The following NNT variants were observed in gnomAD, a reference collection of about 807,000 sequenced individuals.
The protein encoded by NNT is nicotinamide nucleotide transhydrogenase.
Under a neutral mutation model 104.8 loss-of-function variants are expected in NNT, and 50 were observed. The observed-to-expected ratio is 0.48, with a 90% CI of 0.38 to 0.60. NNT has a LOEUF of 0.60. Ranked by LOEUF, NNT falls within the 20% of genes least tolerant of loss-of-function variation. The pLI, the probability that NNT is intolerant of heterozygous loss-of-function variation, is 0.00. For missense variants in NNT, 1,131 were observed against 1,330.7 expected (o/e 0.85, Z 2.33); for synonymous variants, 461 against 490.4 (o/e 0.94, Z 0.79).
At chr5:43,671,480 C>T (rs140008642) in intron 17 of NNT, among the ~76,000 whole-genome samples, 5,187 of 152,154 alleles carry the variant, frequency 0.034, 138 homozygotes, top group East Asian at 0.12. Context: ...GCAGGCCTGG[C>T]GGTGACAAAA....
chr5:43,621,436 G>A (rs919077417), intron 5 of NNT, among the ~76,000 whole-genome samples: 4 of 152,140 alleles, frequency 2.6e-5, no homozygotes, highest in African/African-American at 9.7e-5. Context: ...TCTAGGAGCT[G>A]GGGATATGGC....
rs146990594 is a variant in NNT, at chr5:43,683,823, A to G, written c.2876+6017A>G. On this transcript the variant is annotated intron_variant, in intron 19 of 21. Transcript: ENST00000344920. ...AATTGAATTTTTTTTTTCTGGTATC[A>G]TTCTTCATAATCTTGTTGCCTATTT... is the stretch of plus-strand genomic sequence containing the variant. Among the ~76,000 whole-genome samples, 13 of 152,154 alleles carry G rather than the reference A, an allele frequency of 8.5e-5. No homozygotes were observed. In the East Asian group the frequency reaches 2.5e-3, roughly 29 times the overall value.
chr5:43,633,613 T>A (rs576976269), intron 7 of NNT, among the ~76,000 whole-genome samples: 8 of 152,326 alleles, frequency 5.3e-5, no homozygotes, highest in African/African-American at 1.9e-4. Flanking sequence ...TCCTCAGTTA[T>A]CTTGTCTCCC....
intron 18 of NNT, among the ~76,000 whole-genome samples, chr5:43,676,388 G>A (rs954924608): frequency 4.6e-5 from 7 of 152,202 alleles, no homozygotes; most frequent in Admixed American, 3.3e-4. Flanking sequence ...TGACATGTGA[G>A]TAGTTTACTA....
chr5:43,688,026 T>C (rs1353567737), intron 19 of NNT, among the ~76,000 whole-genome samples: 1 of 152,176 alleles, frequency 6.6e-6, no homozygotes, highest in Non-Finnish European at 1.5e-5. Context: ...TATTGGGTTA[T>C]TTAGCTAAAA....
chr5:43,635,279 A>C (rs570123022), intron 7 of NNT, among the ~76,000 whole-genome samples: 12 of 152,258 alleles, frequency 7.9e-5, no homozygotes, highest in African/African-American at 2.9e-4. Context: ...TCATATGGTC[A>C]TTTGGGATTC....
chr5:43,651,698 CA>C (rs1255423042), intron 12 of NNT, 40 bp from the exon 13 acceptor site: 21 of 1,608,384 alleles, frequency 1.3e-5, no homozygotes, highest in African/African-American at 1.2e-4. Context: ...TCAGTGAGCT[CA>C]AAGAGGTACT....
At chr5:43,675,937 T>G (rs1741393488) in intron 18 of NNT, among the ~76,000 whole-genome samples, 1 of 152,204 alleles carries the variant, frequency 6.6e-6, no homozygotes, top group South Asian at 2.1e-4. Context: ...TTTACATCAT[T>G]TTCGAGTCTT....
At chr5:43,617,153 T>C (rs1357502285) in intron 4 of NNT, among the ~76,000 whole-genome samples, 1 of 152,224 alleles carries the variant, frequency 6.6e-6, no homozygotes, top group Non-Finnish European at 1.5e-5. Flanking sequence ...CTTAAAATTT[T>C]ATCTAGAAAA....
At chr5:43,616,531 A>G (rs559557178) in intron 4 of NNT, among the ~76,000 whole-genome samples, 1 of 152,356 alleles carries the variant, frequency 6.6e-6, no homozygotes, top group East Asian at 1.9e-4. Context: ...AGAATAGGAA[A>G]AAGGTCTGGA....
rs140512617 is a variant in NNT, at chr5:43,618,061, A to T, written c.600-971A>T. The stretch of plus-strand genomic sequence containing the variant: ...AAGTAAGAATGCAAAAGTGCCTTTT[A>T]CATATAAATTGCTATGAAAATGAAA... On this transcript the variant is annotated intron_variant, in intron 4 of 21. Coordinates refer to ENST00000344920, the MANE Select transcript of NNT (RefSeq NM_182977.3). Among the ~76,000 whole-genome samples the T allele has an allele frequency of 3.9e-3, 599 of 152,324 alleles. 8 individuals are homozygous for T. Among genetic ancestry groups the T allele is most frequent in the African/African-American group, 0.014 (571 of 41,570 alleles).
At chr5:43,691,203 G>A (rs555150026) in intron 19 of NNT, among the ~76,000 whole-genome samples, 14 of 152,150 alleles carry the variant, frequency 9.2e-5, no homozygotes, top group African/African-American at 3.1e-4. Context: ...GGGTTCAAGC[G>A]ATTCTCCCAA....
At chr5:43,687,953 A>C (rs1216318293) in intron 19 of NNT, among the ~76,000 whole-genome samples, 2 of 152,188 alleles carry the variant, frequency 1.3e-5, no homozygotes, top group East Asian at 3.8e-4. Context: ...ATAAAATTAA[A>C]CAAAATAAGC....
intron 17 of NNT, among the ~76,000 whole-genome samples, chr5:43,664,488 A>T (rs1211764877): frequency 1.3e-5 from 2 of 152,192 alleles, no homozygotes; most frequent in Non-Finnish European, 2.9e-5. Flanking sequence ...TATATATGTT[A>T]TTATTGCTTT....
At chr5:43,611,549 C>G (rs531939738) in intron 2 of NNT, among the ~76,000 whole-genome samples, 1 of 152,254 alleles carries the variant, frequency 6.6e-6, no homozygotes, top group South Asian at 2.1e-4. Flanking sequence ...TATTATTTTC[C>G]TCCTTCTCCT....
At position 43,706,537 on chromosome 5, in the gene NNT, T is replaced by G. The variant is rs1743098502; in HGVS notation, c.*2133T>G. 1 of 152,194 alleles carries G rather than the reference T, an allele frequency of 6.6e-6. No individual in the cohort carries two copies. The highest frequency in any genetic ancestry group is 2.1e-4 in the South Asian group (1 of 4,834). The allele number at this position is 152,194 out of a possible 1,614,324, so 9.4% of individuals were successfully genotyped here. A position where few individuals can be genotyped will look rare whatever the true frequency, so the allele number is the denominator to read the frequency against. On this transcript the variant is annotated 3_prime_UTR_variant, in exon 22 of 22. Coordinates refer to ENST00000344920, the MANE Select transcript of NNT (RefSeq NM_182977.3). Reference sequence around the variant, plus strand: ...GTCTTTAAGGGCTTGTTAACTATCCTTTATTTTCTCATTTGTCTTAAATTA... The same window carrying G: ...GTCTTTAAGGGCTTGTTAACTATCCGTTATTTTCTCATTTGTCTTAAATTA...
rs1743007305 is a variant in NNT at position 43,704,331 on chromosome 5, C to A, written c.3188C>A (p.Ala1063Asp). The A allele has an allele frequency of 1.9e-6, 3 of 1,612,542 alleles. No homozygotes were observed. The highest frequency in any genetic ancestry group is 2.7e-5 in the African/African-American group (2 of 74,846). The change falls in exon 22 of 22, where the codon GCC becomes GAC. Residue 1063 changes from alanine (A) to aspartate (D), a missense_variant. Transcript: ENST00000344920. ...DNPIFYKPNTAMLLGDAKKTC... is the reference protein window; with the variant it reads ...DNPIFYKPNTDMLLGDAKKTC... ...CCAATCTTCTACAAACCTAACACGG[C>A]CATGCTTCTAGGTGATGCCAAGAAA...
At position 43,705,017 on chromosome 5, in the gene NNT, C is replaced by T. The variant is rs1743043105; in HGVS notation, c.*613C>T. The T allele has an allele frequency of 6.6e-6, 1 of 152,110 alleles. No individual in the cohort carries two copies. Among genetic ancestry groups the T allele is most frequent in the African/African-American group, 2.4e-5 (1 of 41,412 alleles). The allele number at this position is 152,110 out of a possible 1,614,324, so 9.4% of individuals were successfully genotyped here. ...TTAATACATTAAAGGACTAAATAAT[C>T]TTTCAGAGATGCTGGAAACAAATCA... is the stretch of plus-strand genomic sequence containing the variant. On this transcript the variant is annotated 3_prime_UTR_variant, in exon 22 of 22. Transcript: ENST00000344920.
rs1340253600 is a variant in NNT, at chr5:43,657,315, G to GAT, written c.2454+504_2454+505dup. Among the ~76,000 whole-genome samples the GAT allele has an allele frequency of 5.3e-5, 8 of 152,228 alleles. No individual in the cohort carries two copies. The East Asian group carries it at 1.3e-3, about 26-fold the overall frequency. ...GAGAGTATTCAGTGAAGGCTTTTATGATAGGTTTGGCTTTCTTCTTTCTCT... is the reference window on the plus strand; with the variant it reads ...GAGAGTATTCAGTGAAGGCTTTTATGATATAGGTTTGGCTTTCTTCTTTCTCT... On this transcript the variant is annotated intron_variant, in intron 16 of 21. Transcript: ENST00000344920.
Sources: gnomAD v4.1 joint callset for allele counts (sites outside exome capture counted in the v4.1 genomes callset) on GRCh38, gnomAD v4.1.1 for gene constraint, MANE v1.5 for transcripts, NCBI Gene and HGNC (gene_info 2026-07-23, HGNC 2026-07-21) for gene names.